Variants in NREP observed in about 807,000 individuals in gnomAD.
The protein encoded by NREP is neuronal regeneration-related protein.
In NREP, 5 loss-of-function variants were observed where a neutral mutation model predicts 8.6. That is an observed-to-expected ratio of 0.58 (90% CI 0.30 to 1.22). NREP has a LOEUF of 1.22. NREP is among the 50% of genes most tolerant of loss of function. The probability of loss-of-function intolerance (pLI) is 0.07; values close to 1 mark genes in which losing one functional copy is unlikely to be tolerated. For missense variants in NREP, 86 were observed against 82.5 expected (o/e 1.04, Z -0.17); for synonymous variants, 27 against 28.0 (o/e 0.96, Z 0.11).
chr5:111,939,550 A>T (rs984158330), intron 2 of NREP, among the ~76,000 whole-genome samples: 1 of 152,086 alleles, frequency 6.6e-6, no homozygotes, highest in African/African-American at 2.4e-5. Flanking sequence ...AGTGGTCATT[A>T]GCACAGTGTG....
chr5:111,970,679 A>G (rs1258583027), intron 2 of NREP, among the ~76,000 whole-genome samples: 1 of 152,086 alleles, frequency 6.6e-6, no homozygotes, highest in Non-Finnish European at 1.5e-5. Context: ...CACAGAAAGT[A>G]GCTGGGCATG....
intron 2 of NREP, among the ~76,000 whole-genome samples, chr5:111,926,957 AC>A (rs1431853685): frequency 6.6e-6 from 1 of 151,408 alleles, no homozygotes; most frequent in African/African-American, 2.4e-5. Context: ...CCTGTGTGAG[AC>A]CCTAGTCCTC....
At chr5:111,965,393 G>T (rs1246291921) in intron 2 of NREP, among the ~76,000 whole-genome samples, 1 of 152,130 alleles carries the variant, frequency 6.6e-6, no homozygotes, top group Non-Finnish European at 1.5e-5. Flanking sequence ...GCAGGAGGTT[G>T]TATCTTTCAC....
At chr5:111,934,233 G>T (rs186798326) in intron 2 of NREP, among the ~76,000 whole-genome samples, 26 of 152,124 alleles carry the variant, frequency 1.7e-4, no homozygotes, top group Non-Finnish European at 3.4e-4. Flanking sequence ...TCCATTGCGG[G>T]CATACGTTGG....
intron 2 of NREP, among the ~76,000 whole-genome samples, chr5:111,957,923 T>C (rs190795479): frequency 6.6e-6 from 1 of 151,920 alleles, no homozygotes; most frequent in Admixed American, 6.5e-5. Context: ...ATCATCTCAA[T>C]AGATTAACGA....
intron 2 of NREP, among the ~76,000 whole-genome samples, chr5:111,891,637 G>A (rs146810401): frequency 6.6e-6 from 1 of 152,322 alleles, no homozygotes; most frequent in East Asian, 1.9e-4. Context: ...GGACTGTATA[G>A]AAAGCATAAT....
chr5:111,947,278 CT>C (rs1438932533), intron 2 of NREP, among the ~76,000 whole-genome samples: 1 of 151,830 alleles, frequency 6.6e-6, no homozygotes, highest in Non-Finnish European at 1.5e-5. Flanking sequence ...GAGAAAAAAC[CT>C]TTTTGATTCA....
intron 2 of NREP, among the ~76,000 whole-genome samples, chr5:111,853,280 G>C (rs1393572191): frequency 6.6e-6 from 1 of 152,016 alleles, no homozygotes; most frequent in Admixed American, 6.6e-5. Context: ...AAATTTTAGG[G>C]CAGTGAAACT....
In NREP at chr5:111,818,473, CT is replaced by C. The variant is rs377119458; in HGVS notation, c.136-82967del. Among the ~76,000 whole-genome samples, 1,030 of 152,068 alleles carry C rather than the reference CT, an allele frequency of 6.8e-3. 7 individuals carry two copies. The highest frequency in any genetic ancestry group is 0.029 in the South Asian group (138 of 4,818). On this transcript the variant is annotated intron_variant, in intron 2 of 3. Coordinates refer to the NREP transcript ENST00000395634. ...AATATTCACATAATCAATATAAAGC[CT>C]TTTTTTGTTGTCTGTTTTGTTCTGT...
intron 2 of NREP, among the ~76,000 whole-genome samples, chr5:111,877,154 T>C (rs1044252204): frequency 6.6e-6 from 1 of 152,186 alleles, no homozygotes; most frequent in Non-Finnish European, 1.5e-5. Flanking sequence ...CATAACTCCT[T>C]AAAGCTAACC....
At chr5:111,821,133 T>A (rs1752505232) in intron 2 of NREP, among the ~76,000 whole-genome samples, 1 of 152,204 alleles carries the variant, frequency 6.6e-6, no homozygotes, top group Non-Finnish European at 1.5e-5. Flanking sequence ...CCAGGGCCAC[T>A]GCTCTGCAAT....
intron 2 of NREP, among the ~76,000 whole-genome samples, chr5:111,891,826 G>A (rs765534063): frequency 8.5e-5 from 13 of 152,254 alleles, no homozygotes; most frequent in South Asian, 8.3e-4. Flanking sequence ...CAAGGGCATG[G>A]TGCTGAACCA....
At chr5:111,972,885 T>C (rs1412311703) in intron 2 of NREP, among the ~76,000 whole-genome samples, 1 of 152,204 alleles carries the variant, frequency 6.6e-6, no homozygotes, top group African/African-American at 2.4e-5. Flanking sequence ...CTTCAGGGGC[T>C]CCTCTGCTCA....
intron 2 of NREP, among the ~76,000 whole-genome samples, chr5:111,754,964 A>G (rs542834168): frequency 6.6e-6 from 1 of 152,360 alleles, no homozygotes; most frequent in East Asian, 1.9e-4. Flanking sequence ...TAAAGAGTAT[A>G]AACATCTGCA....
intron 1 of NREP, among the ~76,000 whole-genome samples, chr5:111,756,565 A>C (rs916012924): frequency 1.3e-5 from 2 of 152,170 alleles, no homozygotes; most frequent in Non-Finnish European, 2.9e-5. Context: ...ACATAAATGC[A>C]CATCAGATTA....
chr5:111,955,009 C>A (rs558659494), intron 2 of NREP, among the ~76,000 whole-genome samples: 1 of 152,208 alleles, frequency 6.6e-6, no homozygotes, highest in South Asian at 2.1e-4. Context: ...AATGAAGATG[C>A]ATGAGGAAGA....
At chr5:111,890,639 C>T (rs983254643) in intron 2 of NREP, among the ~76,000 whole-genome samples, 2 of 152,204 alleles carry the variant, frequency 1.3e-5, no homozygotes, top group South Asian at 2.1e-4. Flanking sequence ...ACTCTGTGCC[C>T]TCACAGACTT....
At chr5:111,807,850 T>C (rs2112910876) in intron 2 of NREP, among the ~76,000 whole-genome samples, 1 of 152,326 alleles carries the variant, frequency 6.6e-6, no homozygotes, top group East Asian at 1.9e-4. Flanking sequence ...TCAAGTTTCA[T>C]GAATGTTAAC....
intron 2 of NREP, among the ~76,000 whole-genome samples, chr5:111,955,547 T>A (rs1756292097): frequency 1.3e-5 from 2 of 151,802 alleles, no homozygotes; most frequent in East Asian, 3.9e-4. Flanking sequence ...AAAAACAACT[T>A]TTCCTTATAC....
Sources: gnomAD v4.1 joint callset for allele counts (sites outside exome capture counted in the v4.1 genomes callset) on GRCh38, gnomAD v4.1.1 for gene constraint, MANE v1.5 for transcripts, NCBI Gene and HGNC (gene_info 2026-07-23, HGNC 2026-07-21) for gene names.